Variants in TSPEAR observed in about 807,000 individuals in gnomAD.
TSPEAR encodes thrombospondin type laminin G domain and EAR repeats, also known as thrombospondin-type laminin G domain and EAR repeat-containing protein.
Under a neutral mutation model 71.6 loss-of-function variants are expected in TSPEAR, and 69 were observed. That is an observed-to-expected ratio of 0.96 (90% CI 0.79 to 1.18). The LOEUF (loss-of-function observed/expected upper bound fraction) is 1.18. Among genes scored for constraint, TSPEAR ranks in the 50% most tolerant of loss-of-function variants. TSPEAR has a pLI of 0.00. For missense variants in TSPEAR, 971 were observed against 894.9 expected, an observed-to-expected ratio of 1.09 and a Z score of -1.09; for synonymous variants, 402 against 387.2, an observed-to-expected ratio of 1.04 and a Z score of -0.45.
Position 44,710,601 on chromosome 21 carries a change from C to G in TSPEAR, c.82+832G>C, listed in dbSNP as rs1390765090. Among the ~76,000 whole-genome samples, 2 of 152,080 alleles carry G rather than the reference C, an allele frequency of 1.3e-5. No individual in the cohort carries two copies. The highest frequency in any genetic ancestry group is 6.5e-5 in the Admixed American group (1 of 15,286). ...CATGATTTGCAAACAAAACCAGAAGCGCAAGCCATCTCCTCGCCTCCCCTG... is the reference window on the plus strand; with the variant it reads ...CATGATTTGCAAACAAAACCAGAAGGGCAAGCCATCTCCTCGCCTCCCCTG... On this transcript the variant is annotated intron_variant, in intron 1 of 11. Transcript: ENST00000323084. The surrounding 1 kb of genome is among the most constrained non-coding windows in gnomAD (Gnocchi z 4.6).
At chr21:44,557,535 C>T (rs1473186929) in intron 2 of TSPEAR, among the ~76,000 whole-genome samples, 5 of 152,076 alleles carry the variant, frequency 3.3e-5, no homozygotes, top group African/African-American at 1.2e-4. Flanking sequence ...GGGGGAGGAG[C>T]TGAGCCCAGG....
intron 11 of TSPEAR, among the ~76,000 whole-genome samples, chr21:44,504,069 T>TG (rs2052124792): frequency 9.3e-6 from 1 of 107,518 alleles, no homozygotes; most frequent in East Asian, 3.2e-4. Context: ...GGTGAGCCCT[T>TG]GGGGGGAAGC....
intron 1 of TSPEAR, among the ~76,000 whole-genome samples, chr21:44,632,802 C>T (rs1383947051): frequency 1.3e-5 from 2 of 152,180 alleles, no homozygotes; most frequent in African/African-American, 4.8e-5. Context: ...CAAGATCGTG[C>T]CACTGCTCTC....
At position 44,623,318 on chromosome 21, in the gene TSPEAR, T is replaced by C. The variant is rs587645696; in HGVS notation, c.83-55313A>G. 1.3e-5 allele frequency among the ~76,000 whole-genome samples: 2 copies of C among 152,366 alleles called. 1 individual carries two copies. Among genetic ancestry groups the C allele is most frequent in the African/African-American group, 4.8e-5 (2 of 41,582 alleles). The stretch of plus-strand genomic sequence containing the variant: ...AGATTACAACATGAATCTATGACTT[T>C]TTAAAGTCTAATGTAAATTAGATCT... On this transcript the variant is annotated intron_variant, in intron 1 of 11. Transcript: ENST00000323084. The surrounding 1 kb of genome is among the most constrained non-coding windows in gnomAD (Gnocchi z 4.5).
chr21:44,518,796 C>A (rs962232914), intron 9 of TSPEAR: 11 of 429,556 alleles, frequency 2.6e-5, no homozygotes, highest in Non-Finnish European at 5.4e-5. Flanking sequence ...CTGGTTCTGG[C>A]AAAGCTCCTC....
chr21:44,646,767 C>T (rs587621765), intron 1 of TSPEAR: 1 of 1,613,704 alleles, frequency 6.2e-7, no homozygotes, highest in African/African-American at 1.3e-5. Flanking sequence ...GTGTGCCTGT[C>T]TGCTGCAAGA....
chr21:44,628,878 G>A (rs587765391), intron 1 of TSPEAR, among the ~76,000 whole-genome samples: 4 of 152,266 alleles, frequency 2.6e-5, no homozygotes, highest in South Asian at 2.1e-4. Context: ...TGGGCTTGCC[G>A]CTGGGATGCA....
intron 1 of TSPEAR, chr21:44,677,646 AC>A: frequency 8.2e-7 from 1 of 1,223,532 alleles, no homozygotes; most frequent in Non-Finnish European, 1.2e-6. Context: ...AACCCCAGGG[AC>A]CAACACTGTA....
Position 44,509,234 on chromosome 21 carries a change from C to T in TSPEAR, c.1719G>A (p.Gln573=). The T allele has an allele frequency of 2.5e-6, 4 of 1,614,062 alleles. No individual in the cohort carries two copies. Among genetic ancestry groups the T allele is most frequent in the South Asian group, 1.1e-5 (1 of 91,078 alleles). ...GAATGTCCTGGAACTTGACAAAGGCCTGCGCGGTCACGTTCAGCTCGTAGA... is the reference window on the plus strand; with the variant it reads ...GAATGTCCTGGAACTTGACAAAGGCTTGCGCGGTCACGTTCAGCTCGTAGA... ...SVIYELNVTA[Q]AFVKFQDILT... The change falls in exon 10 of 12, where the codon CAG becomes CAA. Residue 573 remains glutamine (Q), a synonymous_variant. Coordinates refer to ENST00000323084, the MANE Select transcript of TSPEAR (RefSeq NM_144991.3).
At chr21:44,650,350 C>T (rs1984701379) in intron 1 of TSPEAR, among the ~76,000 whole-genome samples, 1 of 151,370 alleles carries the variant, frequency 6.6e-6, no homozygotes, top group African/African-American at 2.5e-5. Context: ...CCTGAGCCAA[C>T]ACCACTTCTG....
intron 9 of TSPEAR, 62 bp downstream of exon 9, chr21:44,521,821 G>T (rs1489982636): frequency 5.5e-6 from 8 of 1,463,726 alleles, no homozygotes; most frequent in South Asian, 1.2e-5. Context: ...CTGTCCAGCA[G>T]GTGCAGGTGA....
intron 1 of TSPEAR, chr21:44,628,061 C>A: frequency 6.2e-7 from 1 of 1,605,606 alleles, no homozygotes; most frequent in Non-Finnish European, 8.5e-7. Flanking sequence ...CGGTCATGTC[C>A]CCCAGGGCCA....
At chr21:44,576,933 G>T (rs1371486268) in intron 1 of TSPEAR, among the ~76,000 whole-genome samples, 1 of 152,162 alleles carries the variant, frequency 6.6e-6, no homozygotes, top group Non-Finnish European at 1.5e-5. Flanking sequence ...TGAAATCACA[G>T]GAGGGCTGAG....
At chr21:44,579,565 C>T in intron 1 of TSPEAR, 2 of 680,272 alleles carry the variant, frequency 2.9e-6, no homozygotes, top group African/African-American at 1.8e-5. Context: ...GGGGACCCAA[C>T]AGGCAGGTGG....
chr21:44,583,621 G>A (rs1302089696), intron 1 of TSPEAR, among the ~76,000 whole-genome samples: 2 of 152,078 alleles, frequency 1.3e-5, no homozygotes, highest in Non-Finnish European at 2.9e-5. Flanking sequence ...GTGTTCCAGT[G>A]GCTTTTCTAC....
In TSPEAR at chr21:44,539,265, C is replaced by T. The variant is rs782011507; in HGVS notation, c.304-5342G>A. 1.1e-5 allele frequency: 18 copies of T among 1,595,310 alleles called. No individual in the cohort carries two copies. The South Asian group carries it at 1.7e-4, about 15-fold the overall frequency. ...GAGCCCAGCTGGCCCAGGGCGGGTG[C>T]CCATCAGCAGCTGGACTCCTGGCCT... On this transcript the variant is annotated intron_variant, in intron 2 of 11. Transcript: ENST00000323084.
rs1279935034 is a variant in TSPEAR at position 44,546,591 on chromosome 21, G to A, written c.304-12668C>T. ...GATCCACCTGCCTTGGCCTCCCAAA[G>A]TGCTGGGATTACAGGCATGAGCCAC... On this transcript the variant is annotated intron_variant, in intron 2 of 11. Transcript: ENST00000323084. This position sits in a 1 kb window ranked among gnomAD's most constrained non-coding sequence, Gnocchi z 4.4. Among the ~76,000 whole-genome samples the A allele has an allele frequency of 6.6e-6, 1 of 152,230 alleles. No individual in the cohort carries two copies. The highest frequency in any genetic ancestry group is 6.5e-5 in the Admixed American group (1 of 15,282).
chr21:44,646,638 G>T (rs587631136), intron 1 of TSPEAR: 4 of 1,613,310 alleles, frequency 2.5e-6, no homozygotes, highest in Non-Finnish European at 3.4e-6. Context: ...GCTGCCAGGC[G>T]GCCTGTGAGC....
chr21:44,599,490 T>C (rs2080666063), intron 1 of TSPEAR, among the ~76,000 whole-genome samples: 1 of 152,214 alleles, frequency 6.6e-6, no homozygotes. Context: ...TGCTGGGCTA[T>C]GGCTGGTCAT....
Sources: allele counts gnomAD v4.1 joint callset (sites outside exome capture counted in the v4.1 genomes callset), GRCh38; gene constraint gnomAD v4.1.1; non-coding constraint Gnocchi (gnomAD v3.1); transcripts MANE v1.5; gene names NCBI Gene and HGNC (gene_info 2026-07-23, HGNC 2026-07-21).